Variants in RIMS1 observed in about 807,000 individuals in gnomAD.
The protein encoded by RIMS1 is regulating synaptic membrane exocytosis 1, also known as regulating synaptic membrane exocytosis protein 1.
Under a neutral mutation model 214.1 loss-of-function variants are expected in RIMS1, and 83 were observed. The ratio of observed to expected loss-of-function variants is 0.39; its 90% confidence interval spans 0.32 to 0.47. RIMS1 has a LOEUF of 0.47. Ranked by LOEUF, RIMS1 falls within the 20% of genes least tolerant of loss-of-function variation. The pLI is 0.99. For synonymous variants in RIMS1, 793 were observed against 786.8 expected, an observed-to-expected ratio of 1.01 and a Z score of -0.13; for missense variants, 2,050 against 2,161.8, an observed-to-expected ratio of 0.95 and a Z score of 1.03.
At chr6:71,921,620 T>C (rs900449701) in intron 1 of RIMS1, among the ~76,000 whole-genome samples, 3 of 152,204 alleles carry the variant, frequency 2.0e-5, no homozygotes, top group Non-Finnish European at 4.4e-5. Context: ...TAGCAAGCAT[T>C]AAAACAAATT....
chr6:72,068,045 G>A (rs1420331806), intron 2 of RIMS1, among the ~76,000 whole-genome samples: 1 of 152,154 alleles, frequency 6.6e-6, no homozygotes, highest in Admixed American at 6.5e-5. Context: ...TTAAATGAAA[G>A]GATGTCACTC....
At chr6:72,001,915 G>A (rs1457732807) in intron 2 of RIMS1, among the ~76,000 whole-genome samples, 2 of 152,124 alleles carry the variant, frequency 1.3e-5, no homozygotes, top group African/African-American at 2.4e-5. Flanking sequence ...TTATGAGGAT[G>A]AGGATATGGA....
intron 4 of RIMS1, among the ~76,000 whole-genome samples, chr6:72,158,185 G>T (rs1313371188): frequency 7.1e-6 from 1 of 140,110 alleles, no homozygotes; most frequent in East Asian, 2.0e-4. Context: ...TTCTTTTCCT[G>T]TGATGCTTCT....
At chr6:72,368,609 A>G (rs1310919841) in intron 29 of RIMS1, among the ~76,000 whole-genome samples, 1 of 152,022 alleles carries the variant, frequency 6.6e-6, no homozygotes, top group Admixed American at 6.6e-5. Context: ...TTAGTTACTA[A>G]AATTCAGTCA....
intron 1 of RIMS1, among the ~76,000 whole-genome samples, chr6:71,892,525 G>C (rs912646228): frequency 1.3e-5 from 2 of 152,068 alleles, no homozygotes; most frequent in Non-Finnish European, 2.9e-5. Flanking sequence ...GGCTTCCGCA[G>C]TTCTGGCCCC....
At chr6:72,242,520 C>T in intron 10 of RIMS1, 83 bp downstream of exon 10, 1 of 981,620 alleles carries the variant, frequency 1.0e-6, no homozygotes. Flanking sequence ...TACATTCATA[C>T]AGTACATGTT....
At chr6:72,236,528 G>A (rs2064126942) in intron 8 of RIMS1, among the ~76,000 whole-genome samples, 1 of 152,062 alleles carries the variant, frequency 6.6e-6, no homozygotes, top group Non-Finnish European at 1.5e-5. Context: ...AATTCAACTG[G>A]TACACATGAA....
At chr6:72,162,486 T>A (rs1301665556) in intron 4 of RIMS1, among the ~76,000 whole-genome samples, 3 of 140,912 alleles carry the variant, frequency 2.1e-5, no homozygotes, top group Non-Finnish European at 4.8e-5. Context: ...CTAGCCTTGA[T>A]GGTCTTTACA....
chr6:72,026,225 G>A (rs2151973257), intron 2 of RIMS1, among the ~76,000 whole-genome samples: 1 of 152,262 alleles, frequency 6.6e-6, no homozygotes, highest in Non-Finnish European at 1.5e-5. Flanking sequence ...GTTCAGCATA[G>A]AGAGGCAGTG....
intron 33 of RIMS1, among the ~76,000 whole-genome samples, chr6:72,399,404 A>G (rs1404737852): frequency 2.0e-5 from 3 of 151,994 alleles, no homozygotes; most frequent in Non-Finnish European, 2.9e-5. Flanking sequence ...TAGATGATAA[A>G]TAGATAGATA....
intron 1 of RIMS1, among the ~76,000 whole-genome samples, chr6:71,932,686 G>A (rs1783402437): frequency 6.6e-6 from 1 of 152,080 alleles, no homozygotes; most frequent in Admixed American, 6.6e-5. Flanking sequence ...TGCTCACTCA[G>A]GCTAGTCTCT....
At chr6:71,977,762 G>A (rs1367901688) in intron 2 of RIMS1, among the ~76,000 whole-genome samples, 1 of 152,082 alleles carries the variant, frequency 6.6e-6, no homozygotes, top group Non-Finnish European at 1.5e-5. Flanking sequence ...AGAGTATCAT[G>A]TTTAGGGAAG....
At chr6:72,346,627 T>G (rs1291020019) in intron 29 of RIMS1, among the ~76,000 whole-genome samples, 1 of 151,748 alleles carries the variant, frequency 6.6e-6, no homozygotes. Flanking sequence ...TTCACTCTAT[T>G]AGGTTAGAGG....
At chr6:72,372,154 A>G (rs1339352244) in intron 29 of RIMS1, among the ~76,000 whole-genome samples, 1 of 152,186 alleles carries the variant, frequency 6.6e-6, no homozygotes, top group Non-Finnish European at 1.5e-5. Context: ...AGACCTCATA[A>G]TCTGTGTTGG....
chr6:72,043,385 T>C (rs1822013072), intron 2 of RIMS1, among the ~76,000 whole-genome samples: 1 of 151,828 alleles, frequency 6.6e-6, no homozygotes, highest in Non-Finnish European at 1.5e-5. Context: ...AATCAAACAA[T>C]TATTCTTTAT....
intron 4 of RIMS1, among the ~76,000 whole-genome samples, chr6:72,101,973 A>G (rs2033697713): frequency 6.6e-6 from 1 of 151,880 alleles, no homozygotes. Context: ...TCAAGTGCAC[A>G]CTCTCATTGG....
intron 4 of RIMS1, among the ~76,000 whole-genome samples, chr6:72,158,573 C>A (rs2044783307): frequency 8.6e-6 from 1 of 116,902 alleles, no homozygotes; most frequent in Non-Finnish European, 2.0e-5. Flanking sequence ...CCCCACCCCA[C>A]AACAGGCCCT....
chr6:72,110,316 G>A (rs1303191345), intron 4 of RIMS1, among the ~76,000 whole-genome samples: 1 of 152,150 alleles, frequency 6.6e-6, no homozygotes, highest in Non-Finnish European at 1.5e-5. Flanking sequence ...TCATGATATT[G>A]ATTCTTCCTT....
At chr6:72,152,651 C>A (rs1588133712) in intron 4 of RIMS1, among the ~76,000 whole-genome samples, 1 of 150,162 alleles carries the variant, frequency 6.7e-6, no homozygotes, top group East Asian at 1.9e-4. Flanking sequence ...ACAAGTGGAA[C>A]CTTACATTAG....
Sources: gnomAD v4.1 joint callset for allele counts (sites outside exome capture counted in the v4.1 genomes callset) on GRCh38, gnomAD v4.1.1 for gene constraint, MANE v1.5 for transcripts, NCBI Gene and HGNC (gene_info 2026-07-23, HGNC 2026-07-21) for gene names.